Variants in SPAST observed in about 807,000 individuals in gnomAD.
SPAST encodes spastin, also known as spastic paraplegia 4 (autosomal dominant; spastin).
SPAST carries 30 observed loss-of-function variants against 76.6 expected under a neutral mutation model. That is an observed-to-expected ratio of 0.39 (90% CI 0.29 to 0.53). The LOEUF (loss-of-function observed/expected upper bound fraction) is 0.53, where lower values mean the gene tolerates loss of function less well. Ranked by LOEUF, SPAST falls within the 20% of genes least tolerant of loss-of-function variation. SPAST has a pLI of 0.68. For missense variants in SPAST, 717 were observed against 770.5 expected, an observed-to-expected ratio of 0.93 and a Z score of 0.82; for synonymous variants, 305 against 281.0, an observed-to-expected ratio of 1.09 and a Z score of -0.86.
intron 1 of SPAST, among the ~76,000 whole-genome samples, chr2:32,082,133 C>A (rs903966712): frequency 6.7e-6 from 1 of 148,478 alleles, no homozygotes; most frequent in Non-Finnish European, 1.5e-5. Context: ...GCTGGGAGTA[C>A]AGGCACCCAC....
chr2:32,150,612 A>AT (rs1209515467), intron 16 of SPAST, among the ~76,000 whole-genome samples: 2 of 151,162 alleles, frequency 1.3e-5, no homozygotes, highest in African/African-American at 2.4e-5. Context: ...TAAATTTTTA[A>AT]TTTTTTGTAG....
At chr2:32,089,473 C>G (rs1002629039) in intron 2 of SPAST, 49 bp from the exon 3 acceptor site, 1 of 1,025,760 alleles carries the variant, frequency 9.7e-7, no homozygotes, top group African/African-American at 1.6e-5. Context: ...TATCGTGAAA[C>G]AATATTAGTT....
intron 3 of SPAST, among the ~76,000 whole-genome samples, chr2:32,097,590 T>C (rs975560681): frequency 6.6e-6 from 1 of 152,186 alleles, no homozygotes; most frequent in Non-Finnish European, 1.5e-5. Flanking sequence ...GCCTGACATA[T>C]GTTAATGTGG....
At chr2:32,075,649 A>G (rs1432211400) in intron 1 of SPAST, among the ~76,000 whole-genome samples, 1 of 140,686 alleles carries the variant, frequency 7.1e-6, no homozygotes. Flanking sequence ...TCCCAGATTC[A>G]AGCAATTCTC....
intron 7 of SPAST, among the ~76,000 whole-genome samples, chr2:32,120,933 A>G (rs1039944465): frequency 1.3e-5 from 2 of 152,192 alleles, no homozygotes; most frequent in Non-Finnish European, 2.9e-5. Context: ...ACTATTTTCC[A>G]TGAGTATTTT....
At chr2:32,072,096 G>T (rs1676773229) in intron 1 of SPAST, among the ~76,000 whole-genome samples, 1 of 152,202 alleles carries the variant, frequency 6.6e-6, no homozygotes, top group Non-Finnish European at 1.5e-5. Context: ...AGGCTGGAGT[G>T]CAGTGGCATG....
chr2:32,154,593 C>T lies in SPAST; in HGVS notation c.*97C>T. ...CGGCTACAGAAACAGCCTAAGTTTA[C>T]AGGACTTTTTAGAGTCTTACATATT... On this transcript the variant is annotated 3_prime_UTR_variant, in exon 17 of 17. Transcript: ENST00000315285. 2 of 1,306,078 alleles carry T rather than the reference C, an allele frequency of 1.5e-6. No homozygotes were observed. Among genetic ancestry groups the T allele is most frequent in the Non-Finnish European group, 2.2e-6 (2 of 910,244 alleles). 80.9% of individuals were successfully genotyped at this position (1,306,078 alleles called of 1,614,324 possible).
rs1279932936 is a variant in SPAST at position 32,098,806 on chromosome 2, A to G, written c.597A>G (p.Gln199=). 1.2e-6 allele frequency: 2 copies of G among 1,612,532 alleles called. No homozygotes were observed. Among genetic ancestry groups the G allele is most frequent in the Non-Finnish European group, 1.7e-6 (2 of 1,178,740 alleles). ...KDRLQLLEKM[Q]PVLPFSKSQT... is the part of the protein sequence containing the mutation. Reference sequence around the variant, plus strand: ...TTCTCTGTTGCATAGAGAAGATGCAACCAGTTTTGCCATTTTCCAAGTCAC... The same window carrying G: ...TTCTCTGTTGCATAGAGAAGATGCAGCCAGTTTTGCCATTTTCCAAGTCAC... Residue 199 remains glutamine, a synonymous_variant, in exon 4 of 17, where the codon CAA becomes CAG. Coordinates refer to ENST00000315285, the MANE Select transcript of SPAST (RefSeq NM_014946.4).
At chr2:32,079,625 A>C (rs1290215075) in intron 1 of SPAST, among the ~76,000 whole-genome samples, 1 of 145,078 alleles carries the variant, frequency 6.9e-6, no homozygotes, top group African/African-American at 2.6e-5. Context: ...CAGTAGCACA[A>C]TCAACTCACT....
At chr2:32,138,239 G>A (rs978633801) in intron 12 of SPAST, among the ~76,000 whole-genome samples, 14 of 152,294 alleles carry the variant, frequency 9.2e-5, no homozygotes, top group African/African-American at 3.1e-4. Context: ...TCTTCAAACT[G>A]CTTTCTACAA....
At chr2:32,064,894 A>T (rs991567349) in intron 1 of SPAST, among the ~76,000 whole-genome samples, 1 of 152,208 alleles carries the variant, frequency 6.6e-6, no homozygotes, top group South Asian at 2.1e-4. Context: ...TTTAATTTCC[A>T]AGTTGAAATG....
At chr2:32,145,118 G>T (rs529235158) in intron 15 of SPAST, 111 bp downstream of exon 15, 8 of 738,908 alleles carry the variant, frequency 1.1e-5, no homozygotes, top group Middle Eastern at 3.4e-4. Context: ...TGGAGACAGG[G>T]TCTCACTCTG....
chr2:32,091,994 G>A (rs920789567), intron 3 of SPAST, among the ~76,000 whole-genome samples: 16 of 152,168 alleles, frequency 1.1e-4, no homozygotes, highest in African/African-American at 3.9e-4. Context: ...ATAGTAGTAA[G>A]TGCTTTAAAA....
At chr2:32,077,955 C>T (rs1242792471) in intron 1 of SPAST, 1 of 135,600 alleles carries the variant, frequency 7.4e-6, no homozygotes, top group African/African-American at 2.8e-5. Flanking sequence ...TATGCAAGAC[C>T]CCATTTCTGT....
Position 32,115,959 on chromosome 2 carries a change from T to A in SPAST, c.1004+124T>A. On this transcript the variant is annotated intron_variant, in intron 6 of 16. Transcript: ENST00000315285. Reference sequence around the variant, plus strand: ...TGGTTTACATACTTAATTTTTATGATAGTTTTCAATTATAAATGTAGAAAA... The same window carrying A: ...TGGTTTACATACTTAATTTTTATGAAAGTTTTCAATTATAAATGTAGAAAA... 3 of 956,752 alleles carry A rather than the reference T, an allele frequency of 3.1e-6. No individual in the cohort carries two copies. The South Asian group carries it at 4.6e-5, about 15-fold the overall frequency. 59.3% of individuals were successfully genotyped at this position (956,752 alleles called of 1,614,324 possible).
Position 32,141,799 on chromosome 2 carries a change from T to C in SPAST, c.1494-105T>C. ...TTACATTGATAACTACCAAAATGCA[T>C]TCCAGTGCCTTGAATATTATATTTT... On this transcript the variant is annotated intron_variant, in intron 12 of 16. Transcript: ENST00000315285. 5.9e-6 allele frequency: 5 copies of C among 848,118 alleles called. 1 individual carries two copies. The South Asian group carries it at 7.8e-5, about 13-fold the overall frequency. The allele number at this position is 848,118 out of a possible 1,614,324, so 52.5% of individuals were successfully genotyped here.
intron 15 of SPAST, among the ~76,000 whole-genome samples, chr2:32,146,236 G>A (rs1025168476): frequency 6.6e-6 from 1 of 152,072 alleles, no homozygotes; most frequent in African/African-American, 2.4e-5. Flanking sequence ...GACAAAATTT[G>A]GGTTTAAAAA....
chr2:32,125,156 CT>C, intron 7 of SPAST, among the ~76,000 whole-genome samples: 1 of 151,996 alleles, frequency 6.6e-6, no homozygotes. Context: ...GAACTCTGTA[CT>C]TTCTGCTCAA....
intron 9 of SPAST, among the ~76,000 whole-genome samples, chr2:32,134,412 G>T (rs1679467568): frequency 6.6e-6 from 1 of 151,810 alleles, no homozygotes; most frequent in Non-Finnish European, 1.5e-5. Context: ...TGAGGCAGGA[G>T]AGTTGCTTGA....
Sources: allele counts gnomAD v4.1 joint callset (sites outside exome capture counted in the v4.1 genomes callset), GRCh38; gene constraint gnomAD v4.1.1; transcripts MANE v1.5; gene names NCBI Gene and HGNC (gene_info 2026-07-23, HGNC 2026-07-21).